Variants in SLC25A31 observed in about 807,000 individuals in gnomAD.
The protein encoded by SLC25A31 is solute carrier family 25 member 31, also known as ADP/ATP translocase 4.
SLC25A31 carries 40 observed loss-of-function variants against 36.2 expected under a neutral mutation model. That is an observed-to-expected ratio of 1.10 (90% CI 0.86 to 1.44). The LOEUF (loss-of-function observed/expected upper bound fraction) is 1.44, where lower values mean the gene tolerates loss of function less well. Among genes scored for constraint, SLC25A31 ranks in the 40% most tolerant of loss-of-function variants. SLC25A31 has a pLI of 0.00. For missense variants in SLC25A31, 350 were observed against 397.1 expected, an observed-to-expected ratio of 0.88 and a Z score of 1.01; for synonymous variants, 143 against 149.7, an observed-to-expected ratio of 0.96 and a Z score of 0.32.
rs578075535 is a variant in SLC25A31 at position 127,768,743 on chromosome 4, C to T, written c.634-9C>T. Reference sequence around the variant, plus strand: ...TTGGATAGTTACTTGGCACATTTTTCTTTTCTAGGGTTTATTACCAAAGCC... The same window carrying T: ...TTGGATAGTTACTTGGCACATTTTTTTTTTCTAGGGTTTATTACCAAAGCC... On this transcript the variant is annotated splice_polypyrimidine_tract_variant and intron_variant, in intron 4 of 5. Transcript: ENST00000281154. 1.9e-6 allele frequency: 3 copies of T among 1,567,656 alleles called. No individual in the cohort carries two copies. Among genetic ancestry groups the T allele is most frequent in the South Asian group, 2.5e-5 (2 of 80,218 alleles).
At chr4:127,748,637 C>T (rs1442305906) in intron 2 of SLC25A31, among the ~76,000 whole-genome samples, 1 of 152,190 alleles carries the variant, frequency 6.6e-6, no homozygotes, top group Non-Finnish European at 1.5e-5. Flanking sequence ...GATATGTGCT[C>T]ACTACAGTTT....
At chr4:127,761,698 G>A (rs1459048) in intron 2 of SLC25A31, among the ~76,000 whole-genome samples, 107,188 of 152,086 alleles carry the variant, frequency 0.7, 38,186 homozygotes, top group Middle Eastern at 0.8. Context: ...CCTGGGATCC[G>A]TGAATGCTTC....
chr4:127,743,605 G>A, intron 1 of SLC25A31, among the ~76,000 whole-genome samples: 1 of 152,130 alleles, frequency 6.6e-6, no homozygotes, highest in Middle Eastern at 3.2e-3. Flanking sequence ...ATCACATGTT[G>A]AATACTCTAG....
At chr4:127,750,531 C>A (rs1731909294) in intron 2 of SLC25A31, among the ~76,000 whole-genome samples, 1 of 151,948 alleles carries the variant, frequency 6.6e-6, no homozygotes, top group Non-Finnish European at 1.5e-5. Flanking sequence ...ACTTTTAATC[C>A]TTAACGTCAG....
chr4:127,754,992 A>G (rs539957479), intron 2 of SLC25A31, among the ~76,000 whole-genome samples: 103 of 152,286 alleles, frequency 6.8e-4, no homozygotes, highest in Admixed American at 1.3e-3. Context: ...GTAAACTCAC[A>G]TATCTATGGT....
At chr4:127,744,526 A>G (rs182372909) in intron 1 of SLC25A31, 146 bp from the exon 2 acceptor site, 15 of 648,594 alleles carry the variant, frequency 2.3e-5, no homozygotes, top group African/African-American at 2.2e-4. Context: ...TTTATTTTTC[A>G]ATGGAGACAC....
intron 2 of SLC25A31, among the ~76,000 whole-genome samples, chr4:127,757,240 T>C (rs1370015926): frequency 6.6e-6 from 1 of 152,218 alleles, no homozygotes; most frequent in African/African-American, 2.4e-5. Flanking sequence ...ATCAACCAAA[T>C]AGTCAACATG....
chr4:127,747,736 A>C (rs914633894), intron 2 of SLC25A31, among the ~76,000 whole-genome samples: 2 of 152,182 alleles, frequency 1.3e-5, no homozygotes, highest in African/African-American at 4.8e-5. Flanking sequence ...TTAAGCTGAC[A>C]GCTCTAATAA....
At chr4:127,730,862 T>C (rs976023047) in intron 1 of SLC25A31, 85 bp downstream of exon 1, 1 of 1,289,044 alleles carries the variant, frequency 7.8e-7, no homozygotes. Flanking sequence ...AGGGGCATGA[T>C]TGTGGGCCCC....
intron 2 of SLC25A31, among the ~76,000 whole-genome samples, chr4:127,749,206 T>TTTTAAATTA (rs1731878408): frequency 6.6e-6 from 1 of 151,844 alleles, no homozygotes; most frequent in African/African-American, 2.4e-5. Flanking sequence ...AACTCAAAGA[T>TTTTAAATTA]AGGTCATTTA....
In SLC25A31 at chr4:127,766,351, C is replaced by T. The variant is rs188350685; in HGVS notation, c.479-715C>T. Among the ~76,000 whole-genome samples, 432 of 151,462 alleles carry T rather than the reference C, an allele frequency of 2.9e-3. 2 individuals are homozygous for T. The highest frequency in any genetic ancestry group is 9.6e-3 in the African/African-American group (395 of 41,318). On this transcript the variant is annotated intron_variant, in intron 3 of 5. Coordinates refer to ENST00000281154, the MANE Select transcript of SLC25A31 (RefSeq NM_031291.4). ...CCTGGCTAATTTTTGTATTTTTAAT[C>T]GAGACAGGGTTTCACTATCTTGCCC...
Position 127,773,932 on chromosome 4 carries a change from A to G in SLC25A31, c.*358A>G, listed in dbSNP as rs1732418332. 6.1e-6 allele frequency: 1 copy of G among 163,028 alleles called. No individual in the cohort carries two copies. Among genetic ancestry groups the G allele is most frequent in the Non-Finnish European group, 1.3e-5 (1 of 75,586 alleles). 10.1% of individuals were successfully genotyped at this position (163,028 alleles called of 1,614,324 possible). ...TTTTAAATTGCTATTCATTTAATAT[A>G]CCTGTTTTCCCATCTTTTGAAGTCA... On this transcript the variant is annotated 3_prime_UTR_variant, in exon 6 of 6. Coordinates refer to ENST00000281154, the MANE Select transcript of SLC25A31 (RefSeq NM_031291.4).
intron 1 of SLC25A31, among the ~76,000 whole-genome samples, chr4:127,743,052 G>T (rs1731760097): frequency 6.6e-6 from 1 of 150,928 alleles, no homozygotes; most frequent in South Asian, 2.1e-4. Context: ...CTAGAGTAGA[G>T]TTTTGGAGTC....
At chr4:127,759,309 G>A (rs1227500868) in intron 2 of SLC25A31, among the ~76,000 whole-genome samples, 1 of 150,246 alleles carries the variant, frequency 6.7e-6, no homozygotes. Context: ...ACTGACTTTT[G>A]TACATTGATT....
intron 1 of SLC25A31, among the ~76,000 whole-genome samples, chr4:127,741,811 A>G (rs1026777849): frequency 1.8e-4 from 27 of 152,242 alleles, no homozygotes; most frequent in African/African-American, 6.3e-4. Flanking sequence ...TACTGATTCA[A>G]TCATTGTTGG....
intron 1 of SLC25A31, among the ~76,000 whole-genome samples, chr4:127,735,889 TTTATTTA>T (rs1560630442): frequency 5.8e-5 from 2 of 34,586 alleles, no homozygotes; most frequent in East Asian, 1.2e-3. Flanking sequence ...TATTTATTTA[TTTATTTA>T]TTTTTTTTTT....
chr4:127,736,040 C>T (rs1308175632), intron 1 of SLC25A31, among the ~76,000 whole-genome samples: 1 of 150,670 alleles, frequency 6.6e-6, no homozygotes, highest in African/African-American at 2.4e-5. Context: ...CAGGCGCCCG[C>T]TACCACGCCC....
intron 1 of SLC25A31, among the ~76,000 whole-genome samples, chr4:127,738,888 G>A (rs1323955519): frequency 1.3e-5 from 2 of 151,830 alleles, no homozygotes; most frequent in East Asian, 3.9e-4. Context: ...TATTTTTGCT[G>A]GTTTAAACTC....
intron 1 of SLC25A31, among the ~76,000 whole-genome samples, chr4:127,737,145 G>A (rs775229100): frequency 6.6e-6 from 1 of 152,176 alleles, no homozygotes; most frequent in Non-Finnish European, 1.5e-5. Flanking sequence ...TGGGAAAAGA[G>A]GTTAAAACAA....
Sources: gnomAD v4.1 joint callset for allele counts (sites outside exome capture counted in the v4.1 genomes callset) on GRCh38, gnomAD v4.1.1 for gene constraint, MANE v1.5 for transcripts, NCBI Gene and HGNC (gene_info 2026-07-23, HGNC 2026-07-21) for gene names.